LPP: variants seen among roughly 807,000 people sequenced by gnomAD.
LPP encodes lipoma-preferred partner.
LPP carries 38 observed loss-of-function variants against 60.4 expected under a neutral mutation model. The observed-to-expected ratio is 0.63, with a 90% CI of 0.49 to 0.83. The LOEUF (loss-of-function observed/expected upper bound fraction) is 0.83, where lower values mean the gene tolerates loss of function less well. LPP is among the 40% of genes least tolerant of loss of function. The probability of loss-of-function intolerance (pLI) is 0.00; values close to 1 mark genes in which losing one functional copy is unlikely to be tolerated. For synonymous variants in LPP, 328 were observed against 290.8 expected, an observed-to-expected ratio of 1.13 and a Z score of -1.30; for missense variants, 902 against 783.6, an observed-to-expected ratio of 1.15 and a Z score of -1.80.
chr3:188,567,914 A>G (rs1832582470), intron 6 of LPP, among the ~76,000 whole-genome samples: 1 of 152,130 alleles, frequency 6.6e-6, no homozygotes, highest in East Asian at 1.9e-4. Flanking sequence ...CATACTCATA[A>G]CACTAAATCT....
intron 6 of LPP, among the ~76,000 whole-genome samples, chr3:188,538,911 A>G (rs1417090558): frequency 6.6e-6 from 1 of 152,204 alleles, no homozygotes; most frequent in African/African-American, 2.4e-5. Flanking sequence ...ATTATGCTAT[A>G]CGAAAGAAAC....
chr3:188,513,163 A>G (rs1337574683), intron 5 of LPP, among the ~76,000 whole-genome samples: 1 of 152,232 alleles, frequency 6.6e-6, no homozygotes, highest in African/African-American at 2.4e-5. Context: ...TAGGTATTTC[A>G]ATGTAGAAAT....
intron 1 of LPP, among the ~76,000 whole-genome samples, chr3:188,211,254 G>A (rs1734612597): frequency 6.6e-6 from 1 of 152,066 alleles, no homozygotes; most frequent in Non-Finnish European, 1.5e-5. Context: ...CTTGGGGTTT[G>A]GGGCTTGGGT....
rs146518061 is a variant in LPP at position 188,525,871 on chromosome 3, T to A, written c.429+1084T>A. Among the ~76,000 whole-genome samples, 886 of 152,350 alleles carry A rather than the reference T, an allele frequency of 5.8e-3. 41 individuals carry two copies. The highest frequency in any genetic ancestry group is 0.053 in the Admixed American group (817 of 15,306). On this transcript the variant is annotated intron_variant, in intron 6 of 11. Coordinates refer to ENST00000617246, the MANE Select transcript of LPP (RefSeq NM_001375462.1). ...GCAAATGGTGCCTTGTTAGTTTTTC[T>A]TTGCTTTTTAATTTTTTTATTTTTG...
At chr3:188,513,969 C>G (rs1159635959) in intron 5 of LPP, among the ~76,000 whole-genome samples, 1 of 152,094 alleles carries the variant, frequency 6.6e-6, no homozygotes, top group African/African-American at 2.4e-5. Context: ...TAGAAAACGA[C>G]CTGGAAGGTG....
intron 9 of LPP, among the ~76,000 whole-genome samples, chr3:188,765,203 GA>G (rs772543509): frequency 1.2e-4 from 18 of 151,994 alleles, no homozygotes; most frequent in Non-Finnish European, 2.4e-4. Context: ...AAATCCACAT[GA>G]ACTTTCTTCC....
chr3:188,433,020 G>A (rs1210453459), intron 4 of LPP, among the ~76,000 whole-genome samples: 2 of 152,140 alleles, frequency 1.3e-5, no homozygotes, highest in African/African-American at 2.4e-5. Flanking sequence ...CCAGAAAAAC[G>A]AGCAGGGGCT....
intron 3 of LPP, among the ~76,000 whole-genome samples, chr3:188,379,162 A>G (rs951374362): frequency 6.6e-6 from 1 of 152,126 alleles, no homozygotes; most frequent in South Asian, 2.1e-4. Context: ...GAAACATAAG[A>G]CACAAGTTTG....
At chr3:188,432,306 G>A (rs1791096126) in intron 4 of LPP, among the ~76,000 whole-genome samples, 1 of 152,102 alleles carries the variant, frequency 6.6e-6, no homozygotes, top group Admixed American at 6.6e-5. Context: ...TGTTAAATGT[G>A]CATGTACTGA....
At chr3:188,409,034 T>C (rs1784318460) in intron 4 of LPP, among the ~76,000 whole-genome samples, 1 of 152,202 alleles carries the variant, frequency 6.6e-6, no homozygotes, top group Non-Finnish European at 1.5e-5. Flanking sequence ...TATGCTACTG[T>C]GTTTTTAGTA....
chr3:188,415,701 T>C (rs1362342672), intron 4 of LPP, among the ~76,000 whole-genome samples: 1 of 149,488 alleles, frequency 6.7e-6, no homozygotes. Flanking sequence ...ATGTATTATA[T>C]GATTTCATTT....
At chr3:188,576,704 C>T (rs1029667767) in intron 6 of LPP, among the ~76,000 whole-genome samples, 22 of 152,222 alleles carry the variant, frequency 1.4e-4, no homozygotes, top group Middle Eastern at 3.4e-3. Flanking sequence ...TGCTACATAT[C>T]GTAGGCATAT....
intron 7 of LPP, among the ~76,000 whole-genome samples, chr3:188,655,373 G>C (rs549442743): frequency 1.3e-5 from 2 of 152,266 alleles, no homozygotes; most frequent in South Asian, 4.2e-4. Flanking sequence ...AAAAAAAGTA[G>C]AATTATCCTG....
At chr3:188,411,450 A>G (rs1385895911) in intron 4 of LPP, among the ~76,000 whole-genome samples, 1 of 152,144 alleles carries the variant, frequency 6.6e-6, no homozygotes, top group Non-Finnish European at 1.5e-5. Flanking sequence ...CATGAAAAAG[A>G]CACCTGTGCA....
intron 3 of LPP, among the ~76,000 whole-genome samples, chr3:188,397,219 G>A (rs1422066517): frequency 6.6e-6 from 1 of 152,048 alleles, no homozygotes; most frequent in African/African-American, 2.4e-5. Flanking sequence ...GAATATTTGG[G>A]TTTAAACCCA....
At chr3:188,273,123 T>C (rs983571040) in intron 2 of LPP, among the ~76,000 whole-genome samples, 1 of 152,116 alleles carries the variant, frequency 6.6e-6, no homozygotes, top group Non-Finnish European at 1.5e-5. Flanking sequence ...TAAAGCAGGA[T>C]AAAAACACAC....
chr3:188,330,890 AATAC>A (rs1349029780), intron 2 of LPP, among the ~76,000 whole-genome samples: 3 of 127,048 alleles, frequency 2.4e-5, no homozygotes, highest in Non-Finnish European at 5.2e-5. Context: ...TAAATAAATA[AATAC>A]GTAAGAATCC....
At chr3:188,406,001 G>T (rs1783404181) in intron 3 of LPP, 111 bp from the exon 4 acceptor site, 2 of 831,308 alleles carry the variant, frequency 2.4e-6, no homozygotes, top group Admixed American at 2.7e-5. Context: ...TCTTTCCAGA[G>T]AACTTTATCA....
At position 188,458,944 on chromosome 3, in the gene LPP, C is replaced by G. The variant is rs1486325038; in HGVS notation, c.194-25648C>G. ...ATGTTATTGGGTAAGGGTTTAAACT[C>G]TATGTGGCTTCTGTGGTTTGGAGAG... On this transcript the variant is annotated intron_variant, in intron 4 of 11. Transcript: ENST00000617246. Among the ~76,000 whole-genome samples the G allele has an allele frequency of 5.3e-5, 8 of 151,058 alleles. No homozygotes were observed. In the South Asian group the frequency reaches 1.3e-3, roughly 24 times the overall value.
Sources: gnomAD v4.1 joint callset for allele counts (sites outside exome capture counted in the v4.1 genomes callset) on GRCh38, gnomAD v4.1.1 for gene constraint, MANE v1.5 for transcripts, NCBI Gene and HGNC (gene_info 2026-07-23, HGNC 2026-07-21) for gene names.